CCDC141: variants seen among roughly 807,000 people sequenced by gnomAD.
The protein encoded by CCDC141 is coiled-coil domain-containing protein 141.
In CCDC141, 168 loss-of-function variants were observed where a neutral mutation model predicts 181.0. The observed-to-expected ratio is 0.93, with a 90% CI of 0.82 to 1.05. CCDC141 has a LOEUF of 1.05. Ranked by LOEUF, CCDC141 falls within the 50% of genes least tolerant of loss-of-function variation. The pLI is 0.00. For missense variants in CCDC141, 1,902 were observed against 1,788.5 expected, an observed-to-expected ratio of 1.06 and a Z score of -1.14; for synonymous variants, 666 against 642.3, an observed-to-expected ratio of 1.04 and a Z score of -0.56.
chr2:178,856,170 T>C (rs1685377025), intron 18 of CCDC141, 87 bp downstream of exon 18: 2 of 1,239,606 alleles, frequency 1.6e-6, no homozygotes, highest in African/African-American at 1.5e-5. Context: ...GTTAGGTATC[T>C]AGATTTGAAA....
At chr2:178,907,073 TTC>T (rs1367282465) in intron 7 of CCDC141, among the ~76,000 whole-genome samples, 2 of 152,330 alleles carry the variant, frequency 1.3e-5, no homozygotes, top group African/African-American at 2.4e-5. Flanking sequence ...AACAAAATCA[TTC>T]TCACTTATTT....
chr2:178,860,535 AAAC>A (rs1479745167), intron 17 of CCDC141, among the ~76,000 whole-genome samples: 12 of 145,338 alleles, frequency 8.3e-5, no homozygotes, highest in African/African-American at 2.5e-4. Context: ...TCAAAAAAAA[AAAC>A]AACACTTTTT....
At chr2:179,015,374 TATATATCTCATATATGTATC>T (rs1559049493) in intron 2 of CCDC141, among the ~76,000 whole-genome samples, 4 of 124,816 alleles carry the variant, frequency 3.2e-5, no homozygotes, top group Admixed American at 1.1e-4. Flanking sequence ...ATATGTATCA[TATATATCTCATATATGTATC>T]ATATATCTCA....
intron 5 of CCDC141, among the ~76,000 whole-genome samples, chr2:178,951,958 CA>C (rs1246873259): frequency 1.3e-5 from 2 of 152,126 alleles, no homozygotes; most frequent in Non-Finnish European, 2.9e-5. Context: ...GTTAAGCCAT[CA>C]GTTCAGTTGA....
Position 178,837,243 on chromosome 2 carries a change from C to T in CCDC141, c.3976G>A (p.Glu1326Lys). ...SAEHPESMMSEVHERALQQHP... is the reference protein window; with the variant it reads ...SAEHPESMMSKVHERALQQHP... ...TGCTGTAAAGCTCTCTCATGCACTT[C>T]ACTCATCATGCTCTCTGGATGTTCA... The change falls in exon 23 of 24, where the codon GAA (glutamate) becomes AAA (lysine). Residue 1326 changes from glutamate to lysine, a missense_variant. Transcript: ENST00000443758. 1 of 1,614,094 alleles carries T rather than the reference C, an allele frequency of 6.2e-7. No homozygotes were observed. Among genetic ancestry groups the T allele is most frequent in the Non-Finnish European group, 8.5e-7 (1 of 1,179,988 alleles).
At chr2:178,913,242 G>T (rs1373022513) in intron 7 of CCDC141, among the ~76,000 whole-genome samples, 1 of 152,180 alleles carries the variant, frequency 6.6e-6, no homozygotes, top group South Asian at 2.1e-4. Flanking sequence ...AAGGGGAGTT[G>T]TTCTGAAAAA....
intron 7 of CCDC141, among the ~76,000 whole-genome samples, chr2:178,914,907 G>C (rs1029063380): frequency 6.6e-6 from 1 of 152,132 alleles, no homozygotes; most frequent in Non-Finnish European, 1.5e-5. Context: ...AGGAGGTGGG[G>C]TGTGGTGGCT....
At chr2:178,842,785 C>T (rs1413897288) in intron 22 of CCDC141, among the ~76,000 whole-genome samples, 3 of 152,198 alleles carry the variant, frequency 2.0e-5, no homozygotes, top group East Asian at 1.9e-4. Flanking sequence ...GTAGAGAAGG[C>T]CCTTAGCGGG....
chr2:178,970,109 A>T (rs531393711), intron 4 of CCDC141, among the ~76,000 whole-genome samples: 15 of 152,352 alleles, frequency 9.8e-5, no homozygotes, highest in Admixed American at 2.6e-4. Flanking sequence ...CCACCGCTCA[A>T]GGAAATAAGA....
chr2:178,944,748 T>C (rs1238786710), intron 5 of CCDC141, 97 bp from the exon 6 acceptor site: 2 of 477,182 alleles, frequency 4.2e-6, no homozygotes, highest in Non-Finnish European at 7.4e-6. Flanking sequence ...AAACTTAAGC[T>C]ACTTTAATTT....
At chr2:178,960,414 A>G (rs1690344622) in intron 5 of CCDC141, among the ~76,000 whole-genome samples, 1 of 152,164 alleles carries the variant, frequency 6.6e-6, no homozygotes, top group Non-Finnish European at 1.5e-5. Context: ...TGGAGTAATA[A>G]TATTAAACAT....
At chr2:178,856,442 A>C in intron 17 of CCDC141, 45 bp from the exon 18 acceptor site, 1 of 1,398,178 alleles carries the variant, frequency 7.2e-7, no homozygotes, top group African/African-American at 1.4e-5. Flanking sequence ...TAAAATGAGA[A>C]AACAAAGTCA....
At position 178,999,815 on chromosome 2, in the gene CCDC141, A is replaced by G. The variant is rs919001085; in HGVS notation, c.226-21140T>C. Among the ~76,000 whole-genome samples the G allele has an allele frequency of 1.1e-4, 17 of 151,968 alleles. 1 individual carries two copies. The highest frequency in any genetic ancestry group is 6.3e-4 in the South Asian group (3 of 4,784). On this transcript the variant is annotated intron_variant, in intron 2 of 23. Transcript: ENST00000443758. ...ACAACTCTTCATCATCCTTCGCAAC[A>G]CTATTCAGAAGTTGTCTCAGCAAAC...
intron 5 of CCDC141, among the ~76,000 whole-genome samples, chr2:178,955,602 GTATA>G (rs1690128549): frequency 6.6e-6 from 1 of 151,982 alleles, no homozygotes; most frequent in Admixed American, 6.5e-5. Context: ...TTATAATACA[GTATA>G]TATAGGCTAA....
At chr2:178,898,779 T>C (rs1321196314) in intron 8 of CCDC141, among the ~76,000 whole-genome samples, 1 of 152,124 alleles carries the variant, frequency 6.6e-6, no homozygotes, top group African/African-American at 2.4e-5. Context: ...TCATCTCAGA[T>C]AAATGTAAAC....
At chr2:178,914,493 A>T (rs1366969485) in intron 7 of CCDC141, among the ~76,000 whole-genome samples, 1 of 152,166 alleles carries the variant, frequency 6.6e-6, no homozygotes, top group East Asian at 1.9e-4. Flanking sequence ...CTCAAGCCAC[A>T]GGCTGCCAGA....
Position 178,961,281 on chromosome 2 carries a change from T to C in CCDC141, c.729A>G (p.Gln243=). 6.4e-7 allele frequency: 1 copy of C among 1,550,508 alleles called. No individual in the cohort carries two copies. Residue 243 remains glutamine (Q), a synonymous_variant, in exon 5 of 24, where the codon CAA becomes CAG. Transcript: ENST00000443758. ...QLDKYLKQQW[Q]ELSQVLQICQ... Reference sequence around the variant, plus strand: ...ATATCTGCAGAACTTGACTCAATTCTTGCCACTGTTGCTTCAAGTACTTGT... The same window carrying C: ...ATATCTGCAGAACTTGACTCAATTCCTGCCACTGTTGCTTCAAGTACTTGT...
At chr2:178,921,575 G>T (rs1389791181) in intron 6 of CCDC141, among the ~76,000 whole-genome samples, 1 of 151,368 alleles carries the variant, frequency 6.6e-6, no homozygotes, top group Non-Finnish European at 1.5e-5. Flanking sequence ...TTTTTTTACT[G>T]CAGTACTTCT....
rs542938276 is a variant in CCDC141 at position 178,849,942 on chromosome 2, T to C, written c.3357+107A>G. 47 of 643,472 alleles carry C rather than the reference T, an allele frequency of 7.3e-5. 1 individual carries two copies. In the South Asian group the frequency reaches 8.8e-4, roughly 12 times the overall value. The allele number at this position is 643,472 out of a possible 1,614,324, so 39.9% of individuals were successfully genotyped here. On this transcript the variant is annotated intron_variant, in intron 21 of 23. Transcript: ENST00000443758. ...AGCTGTAAAACAAATGTGCACATTA[T>C]GTACCCTGAGAAATTCTGTTAAAAT... is the stretch of plus-strand genomic sequence containing the variant.
Sources: gnomAD v4.1 joint callset for allele counts (sites outside exome capture counted in the v4.1 genomes callset) on GRCh38, gnomAD v4.1.1 for gene constraint, MANE v1.5 for transcripts, NCBI Gene and HGNC (gene_info 2026-07-23, HGNC 2026-07-21) for gene names.